The following A4GALT variants were observed in gnomAD, a reference collection of about 807,000 sequenced individuals.
A4GALT encodes the protein lactosylceramide 4-alpha-galactosyltransferase.
For missense variants in A4GALT, 512 were observed against 486.0 expected (o/e 1.05, Z -0.50); for synonymous variants, 257 against 220.7 (o/e 1.16, Z -1.46).
intron 1 of A4GALT, among the ~76,000 whole-genome samples, chr22:42,703,676 T>G (rs935811633): frequency 2.0e-5 from 3 of 152,202 alleles, no homozygotes; most frequent in African/African-American, 7.2e-5. Context: ...CTTTCCTTTT[T>G]GGGCCTCAGA....
chr22:42,716,267 C>T (rs1922168761), intron 1 of A4GALT, among the ~76,000 whole-genome samples: 1 of 152,190 alleles, frequency 6.6e-6, no homozygotes, highest in African/African-American at 2.4e-5. Context: ...CATGACCATC[C>T]TCTCCACCAC....
At chr22:42,704,825 A>G (rs1920966198) in intron 1 of A4GALT, among the ~76,000 whole-genome samples, 1 of 131,382 alleles carries the variant, frequency 7.6e-6, no homozygotes, top group South Asian at 2.7e-4. Flanking sequence ...TCCCAACCAC[A>G]GTTGAGTGTG....
intron 1 of A4GALT, among the ~76,000 whole-genome samples, chr22:42,704,796 G>A (rs565336209): frequency 5.1e-4 from 76 of 149,030 alleles, no homozygotes; most frequent in Middle Eastern, 3.5e-3. Flanking sequence ...AAACTAAGAG[G>A]CAGGGAAAAC....
At chr22:42,704,971 G>A (rs374089261) in intron 1 of A4GALT, among the ~76,000 whole-genome samples, 11 of 152,242 alleles carry the variant, frequency 7.2e-5, no homozygotes, top group South Asian at 6.2e-4. Flanking sequence ...CATGAGCTAC[G>A]GCCAGAATGA....
Position 42,710,216 on chromosome 22 carries a change from A to G in A4GALT, c.-188+10581T>C, listed in dbSNP as rs558507255. Among the ~76,000 whole-genome samples, 6 of 152,358 alleles carry G rather than the reference A, an allele frequency of 3.9e-5. No homozygotes were observed. In the East Asian group the frequency reaches 5.8e-4, roughly 15 times the overall value. On this transcript the variant is annotated intron_variant, in intron 1 of 2. Coordinates refer to ENST00000642412, the MANE Select transcript of A4GALT (RefSeq NM_017436.7). ...AATAGTTAAAACTATTGCTATTTTC[A>G]TATGATATTATTGTATACCTGGAAA...
intron 1 of A4GALT, among the ~76,000 whole-genome samples, chr22:42,710,705 T>G (rs1410367307): frequency 4.2e-5 from 6 of 141,676 alleles, no homozygotes; most frequent in African/African-American, 1.5e-4. Flanking sequence ...TCGAAATAAA[T>G]AAATAAATAA....
intron 1 of A4GALT, among the ~76,000 whole-genome samples, chr22:42,704,506 TAAAAA>T (rs1029946953): frequency 6.8e-6 from 1 of 147,032 alleles, no homozygotes; most frequent in African/African-American, 2.5e-5. Context: ...AAAAAAATAA[TAAAAA>T]AAATTAAAAA....
At chr22:42,705,089 C>A (rs1920978580) in intron 1 of A4GALT, among the ~76,000 whole-genome samples, 1 of 152,084 alleles carries the variant, frequency 6.6e-6, no homozygotes. Context: ...AAAGCACAAC[C>A]CATTACCATG....
chr22:42,693,298 G>A lies in A4GALT; in HGVS notation c.654C>T (p.Gly218=), dbSNP rs149462925. 6 of 1,612,992 alleles carry A rather than the reference G, an allele frequency of 3.7e-6. No individual in the cohort carries two copies. Among genetic ancestry groups the A allele is most frequent in the African/African-American group, 2.7e-5 (2 of 74,942 alleles). The change falls in exon 3 of 3, where the codon GGC becomes GGT. Residue 218 remains glycine, a synonymous_variant. Coordinates refer to ENST00000642412, the MANE Select transcript of A4GALT (RefSeq NM_017436.7). ...LGTQSRYVLN[G]AFLAFERRHE... is the part of the protein sequence containing the mutation. Reference sequence around the variant, plus strand: ...GCCGGCGCTCGAAGGCCAGGAACGCGCCGTTGAGGACGTAGCGGGACTGGG... The same window carrying A: ...GCCGGCGCTCGAAGGCCAGGAACGCACCGTTGAGGACGTAGCGGGACTGGG...
chr22:42,696,235 A>G (rs1930924589), intron 1 of A4GALT, among the ~76,000 whole-genome samples: 1 of 151,686 alleles, frequency 6.6e-6, no homozygotes, highest in African/African-American at 2.4e-5. Context: ...AGCCTGACCA[A>G]CATGGAGAAA....
rs980317710 is a variant in A4GALT at position 42,693,364 on chromosome 22, A to G, written c.588T>C (p.Ile196=). 2.5e-6 allele frequency: 4 copies of G among 1,613,172 alleles called. No homozygotes were observed. The highest frequency in any genetic ancestry group is 3.4e-6 in the Non-Finnish European group (4 of 1,179,998). Residue 196 remains isoleucine (I), a synonymous_variant, in exon 3 of 3, where the codon ATT becomes ATC. Transcript: ENST00000642412. ...TCAGGTTCCGCAGGTTCTTGAGAACAATGAAGTCCGTGTCCAGGTAGATGC... is the reference window on the plus strand; with the variant it reads ...TCAGGTTCCGCAGGTTCTTGAGAACGATGAAGTCCGTGTCCAGGTAGATGC... ...FGGIYLDTDF[I]VLKNLRNLTN...
intron 1 of A4GALT, among the ~76,000 whole-genome samples, chr22:42,704,876 G>GCC (rs1170869965): frequency 1.1e-4 from 4 of 35,352 alleles, no homozygotes; most frequent in Non-Finnish European, 1.9e-4. Flanking sequence ...CAATGGGGGG[G>GCC]GGCGGGGGGG....
At chr22:42,701,688 C>G (rs1166295380) in intron 1 of A4GALT, among the ~76,000 whole-genome samples, 2 of 152,184 alleles carry the variant, frequency 1.3e-5, no homozygotes, top group East Asian at 3.8e-4. Flanking sequence ...AGCACTGACT[C>G]AGGTCCAGCT....
At position 42,698,851 on chromosome 22, in the gene A4GALT, C is replaced by G. The variant is rs192735612; in HGVS notation, c.-187-3220G>C. 2.2e-4 allele frequency among the ~76,000 whole-genome samples: 33 copies of G among 152,226 alleles called. No homozygotes were observed. The East Asian group carries it at 5.8e-3, about 27-fold the overall frequency. ...TTGCAGTAGAGAAGCCGGCCAAAAC[C>G]CACCAAAACCAAAATGGCCATAAGA... On this transcript the variant is annotated intron_variant, in intron 1 of 2. Transcript: ENST00000642412.
At chr22:42,697,444 C>T (rs1322495716) in intron 1 of A4GALT, among the ~76,000 whole-genome samples, 2 of 152,218 alleles carry the variant, frequency 1.3e-5, no homozygotes, top group East Asian at 1.9e-4. Context: ...ATGTGAACCA[C>T]GCGGACGGGT....
At chr22:42,702,338 CTTTTTTTT>C (rs36007921) in intron 1 of A4GALT, among the ~76,000 whole-genome samples, 1 of 138,992 alleles carries the variant, frequency 7.2e-6, no homozygotes, top group Non-Finnish European at 1.6e-5. Context: ...GGAACACACT[CTTTTTTTT>C]TTTTTTTTTT....
chr22:42,711,284 A>G (rs2147028334), intron 1 of A4GALT, among the ~76,000 whole-genome samples: 1 of 152,356 alleles, frequency 6.6e-6, no homozygotes, highest in African/African-American at 2.4e-5. Context: ...GATCAGCAAA[A>G]ATCCAAAACA....
chr22:42,696,640 G>T (rs1930953969), intron 1 of A4GALT, among the ~76,000 whole-genome samples: 1 of 151,846 alleles, frequency 6.6e-6, no homozygotes, highest in Admixed American at 6.6e-5. Context: ...GCAGGCACAT[G>T]GGAAAATGGC....
chr22:42,705,675 T>C lies in A4GALT; in HGVS notation c.-187-10044A>G, dbSNP rs1468911959. Among the ~76,000 whole-genome samples the C allele has an allele frequency of 2.5e-5, 3 of 121,816 alleles. 1 individual carries two copies. Among genetic ancestry groups the C allele is most frequent in the Non-Finnish European group, 5.7e-5 (3 of 52,336 alleles). The allele number at this position is 121,816 out of a possible 152,430, so 79.9% of individuals were successfully genotyped here. On this transcript the variant is annotated intron_variant, in intron 1 of 2. Transcript: ENST00000642412. ...GACAAATACAAATTCGAATCCAAAA[T>C]TACAGCATGAATTTAAAAATAAAAA...
Sources: allele counts gnomAD v4.1 joint callset (sites outside exome capture counted in the v4.1 genomes callset), GRCh38; gene constraint gnomAD v4.1.1; transcripts MANE v1.5; gene names NCBI Gene and HGNC (gene_info 2026-07-23, HGNC 2026-07-21).